Variants in CHRM3 observed in about 807,000 individuals in gnomAD.
CHRM3 encodes the protein cholinergic receptor muscarinic 3, also known as muscarinic acetylcholine receptor M3.
A neutral mutation model predicts 41.8 loss-of-function variants in CHRM3; 11 were observed. The ratio of observed to expected loss-of-function variants is 0.26; its 90% CI spans 0.17 to 0.44. The LOEUF (loss-of-function observed/expected upper bound fraction) is 0.44, where lower values mean the gene tolerates loss of function less well. CHRM3 is among the 20% of genes least tolerant of loss of function. CHRM3 has a pLI of 1.00. For missense variants in CHRM3, 571 were observed against 745.4 expected, an observed-to-expected ratio of 0.77 and a Z score of 2.72; for synonymous variants, 297 against 301.4, an observed-to-expected ratio of 0.99 and a Z score of 0.15.
intron 4 of CHRM3, among the ~76,000 whole-genome samples, chr1:239,633,004 G>C (rs568597031): frequency 1.3e-5 from 2 of 152,288 alleles, no homozygotes; most frequent in African/African-American, 2.4e-5. Context: ...ACGGAGTCTC[G>C]CTCTGTCACC....
rs1658558396 is a variant in CHRM3, at chr1:239,386,950, G to A, written c.-798G>A. On this transcript the variant is annotated 5_prime_UTR_variant, in exon 1 of 7. Coordinates refer to ENST00000676153, the MANE Select transcript of CHRM3 (RefSeq NM_001375978.1). ...GACGCGCGGCCGCAGCTGCCCGCGG[G>A]CGGAGCGCTCTCAGACCCCGGAGCG... The A allele has an allele frequency of 6.6e-6, 1 of 152,022 alleles. No homozygotes were observed. The highest frequency in any genetic ancestry group is 1.5e-5 in the Non-Finnish European group (1 of 67,992). 9.4% of individuals were successfully genotyped at this position (152,022 alleles called of 1,614,324 possible). A position where few individuals can be genotyped will look rare whatever the true frequency, so the allele number is the denominator to read the frequency against.
At chr1:239,408,904 G>C (rs1362491569) in intron 1 of CHRM3, among the ~76,000 whole-genome samples, 4 of 151,908 alleles carry the variant, frequency 2.6e-5, no homozygotes. Context: ...TTATAGGCGT[G>C]ACCTACTATG....
intron 3 of CHRM3, among the ~76,000 whole-genome samples, chr1:239,589,239 C>T (rs1262336681): frequency 1.3e-5 from 2 of 151,950 alleles, no homozygotes; most frequent in Non-Finnish European, 2.9e-5. Flanking sequence ...CAGTCTGAAA[C>T]ATTATTTTAA....
At chr1:239,630,093 A>G (rs956553327) in intron 3 of CHRM3, among the ~76,000 whole-genome samples, 1 of 152,216 alleles carries the variant, frequency 6.6e-6, no homozygotes. Flanking sequence ...TACTAGAGAA[A>G]TTTAATCAGA....
intron 5 of CHRM3, among the ~76,000 whole-genome samples, chr1:239,802,050 C>T (rs917128086): frequency 8.5e-5 from 13 of 152,178 alleles, no homozygotes; most frequent in African/African-American, 2.9e-4. Context: ...TAAAAACAAA[C>T]TTAGTTCTCT....
At chr1:239,793,900 C>A (rs1572314552) in intron 5 of CHRM3, among the ~76,000 whole-genome samples, 1 of 146,510 alleles carries the variant, frequency 6.8e-6, no homozygotes, top group South Asian at 2.2e-4. Context: ...GCAGCCTCAA[C>A]CTCCTGGGCT....
At chr1:239,789,668 G>A (rs1006409879) in intron 5 of CHRM3, among the ~76,000 whole-genome samples, 6 of 152,112 alleles carry the variant, frequency 3.9e-5, no homozygotes, top group Non-Finnish European at 8.8e-5. Flanking sequence ...AACTAAGAGC[G>A]AACTTACTCA....
chr1:239,430,863 G>C (rs1033128789), intron 1 of CHRM3, among the ~76,000 whole-genome samples: 1 of 151,748 alleles, frequency 6.6e-6, no homozygotes, highest in African/African-American at 2.4e-5. Flanking sequence ...TTTGAGAAAG[G>C]AGTTTTCAAA....
intron 3 of CHRM3, among the ~76,000 whole-genome samples, chr1:239,559,086 TGTAATAAGTATA>T (rs1332602882): frequency 6.6e-6 from 1 of 152,166 alleles, no homozygotes; most frequent in Non-Finnish European, 1.5e-5. Flanking sequence ...TTGCTAGACT[TGTAATAAGTATA>T]ACACAAATGT....
intron 6 of CHRM3, among the ~76,000 whole-genome samples, chr1:239,900,168 G>A (rs1198472412): frequency 1.3e-5 from 2 of 152,176 alleles, no homozygotes; most frequent in South Asian, 2.1e-4. Context: ...GAGTCAGGAT[G>A]AGGAAGGAAT....
rs568447792 is a variant in CHRM3 at position 239,904,153 on chromosome 1, AG to A, written c.-19-3279del. Reference sequence around the variant, plus strand: ...GGGACATGAAAGCAGAGACCTAGATAGTAGAAATGAGGAAACGTAGCTGCTG... The same window carrying A: ...GGGACATGAAAGCAGAGACCTAGATATAGAAATGAGGAAACGTAGCTGCTG... On this transcript the variant is annotated intron_variant, in intron 6 of 6. Coordinates refer to ENST00000676153, the MANE Select transcript of CHRM3 (RefSeq NM_001375978.1). 1.6e-3 allele frequency among the ~76,000 whole-genome samples: 251 copies of A among 152,324 alleles called. 3 individuals carry two copies. Among genetic ancestry groups the A allele is most frequent in the African/African-American group, 5.7e-3 (239 of 41,568 alleles).
chr1:239,837,673 A>G (rs1673440153), intron 6 of CHRM3, among the ~76,000 whole-genome samples: 1 of 152,262 alleles, frequency 6.6e-6, no homozygotes, highest in Non-Finnish European at 1.5e-5. Context: ...ACTTAACTAC[A>G]TAATTATAAA....
At chr1:239,905,538 T>G (rs1679902656) in intron 6 of CHRM3, among the ~76,000 whole-genome samples, 3 of 152,054 alleles carry the variant, frequency 2.0e-5, no homozygotes, top group Non-Finnish European at 4.4e-5. Context: ...AAACCCCATC[T>G]CTACTAAAAA....
chr1:239,881,238 C>CAG (rs1558205897), intron 6 of CHRM3, among the ~76,000 whole-genome samples: 1 of 140,106 alleles, frequency 7.1e-6, no homozygotes, highest in Non-Finnish European at 1.5e-5. Flanking sequence ...AGCCGAGATC[C>CAG]CGCCCCTGCA....
intron 2 of CHRM3, among the ~76,000 whole-genome samples, chr1:239,525,540 CCAAAGT>C (rs1669938724): frequency 6.6e-6 from 1 of 151,830 alleles, no homozygotes; most frequent in African/African-American, 2.4e-5. Flanking sequence ...GGATCTGATC[CCAAAGT>C]TCAGCAGAAG....
rs1479118668 is a variant in CHRM3 at position 239,910,835 on chromosome 1, G to C, written c.*1611G>C. 1.2e-5 allele frequency: 2 copies of C among 167,014 alleles called. No homozygotes were observed. The highest frequency in any genetic ancestry group is 2.9e-5 in the Non-Finnish European group (2 of 68,122). The allele number at this position is 167,014 out of a possible 1,614,324, so 10.3% of individuals were successfully genotyped here. ...CCAGAGCTGGGTAGAAGCTGCTTTT[G>C]TATTCAGTGTGAGGTGGTGTTTACA... is the stretch of plus-strand genomic sequence containing the variant. On this transcript the variant is annotated 3_prime_UTR_variant, in exon 7 of 7. Coordinates refer to ENST00000676153, the MANE Select transcript of CHRM3 (RefSeq NM_001375978.1).
At chr1:239,568,689 C>T (rs1372444441) in intron 3 of CHRM3, among the ~76,000 whole-genome samples, 1 of 152,056 alleles carries the variant, frequency 6.6e-6, no homozygotes, top group Non-Finnish European at 1.5e-5. Flanking sequence ...TTTTCCTCAG[C>T]CTCCTCTGCT....
chr1:239,413,822 G>A (rs1233014756), intron 1 of CHRM3, among the ~76,000 whole-genome samples: 2 of 152,136 alleles, frequency 1.3e-5, no homozygotes, highest in Admixed American at 6.5e-5. Flanking sequence ...GTAGTTCTGC[G>A]GTGTGCACAT....
At chr1:239,666,770 G>A (rs1673848967) in intron 4 of CHRM3, among the ~76,000 whole-genome samples, 1 of 152,060 alleles carries the variant, frequency 6.6e-6, no homozygotes, top group Admixed American at 6.5e-5. Context: ...GACTGATCCC[G>A]TTACCCAGGA....
Sources: gnomAD v4.1 joint callset for allele counts (sites outside exome capture counted in the v4.1 genomes callset) on GRCh38, gnomAD v4.1.1 for gene constraint, MANE v1.5 for transcripts, NCBI Gene and HGNC (gene_info 2026-07-23, HGNC 2026-07-21) for gene names.